Variants in FARP1 observed in about 807,000 individuals in gnomAD.
FARP1 encodes FERM, ARH/RhoGEF and pleckstrin domain protein 1.
A neutral mutation model predicts 128.8 loss-of-function variants in FARP1; 52 were observed. The ratio of observed to expected loss-of-function variants is 0.40; its 90% CI spans 0.32 to 0.51. The LOEUF is 0.51. FARP1 is among the 20% of genes least tolerant of loss of function. The probability of loss-of-function intolerance (pLI) is 0.45; values close to 1 mark genes in which losing one functional copy is unlikely to be tolerated. For missense variants in FARP1, 1,333 were observed against 1,367.9 expected (o/e 0.97, Z 0.40); for synonymous variants, 580 against 551.8 (o/e 1.05, Z -0.72).
At chr13:98,374,786 A>G (rs1889507953) in intron 5 of FARP1, among the ~76,000 whole-genome samples, 1 of 152,240 alleles carries the variant, frequency 6.6e-6, no homozygotes, top group Non-Finnish European at 1.5e-5. Context: ...AAGATTGGGC[A>G]TTGACATCTG....
chr13:98,231,677 G>A (rs1882123173), intron 2 of FARP1, among the ~76,000 whole-genome samples: 1 of 152,098 alleles, frequency 6.6e-6, no homozygotes, highest in Non-Finnish European at 1.5e-5. Flanking sequence ...GACTTAAGGT[G>A]ATCTGTCTGC....
At chr13:98,417,380 G>A (rs1891416306) in intron 16 of FARP1, among the ~76,000 whole-genome samples, 1 of 146,588 alleles carries the variant, frequency 6.8e-6, no homozygotes, top group Admixed American at 7.0e-5. Flanking sequence ...ATACCTTTAT[G>A]GCAGCTTGCT....
intron 16 of FARP1, among the ~76,000 whole-genome samples, chr13:98,420,185 G>A (rs1217162747): frequency 6.6e-6 from 1 of 152,162 alleles, no homozygotes; most frequent in Non-Finnish European, 1.5e-5. Flanking sequence ...CCCTGAGGTT[G>A]GGATGGTGAA....
chr13:98,418,060 G>GT (rs1432399108), intron 16 of FARP1, among the ~76,000 whole-genome samples: 7 of 152,014 alleles, frequency 4.6e-5, no homozygotes, highest in Non-Finnish European at 1.0e-4. Context: ...GTTTTTATTA[G>GT]TTTTTTAGAG....
intron 2 of FARP1, among the ~76,000 whole-genome samples, chr13:98,294,433 A>G (rs1885575685): frequency 6.6e-6 from 1 of 152,200 alleles, no homozygotes; most frequent in South Asian, 2.1e-4. Flanking sequence ...TTTGTAAACT[A>G]TATTTGTATC....
At chr13:98,213,454 G>GTGGTA in intron 2 of FARP1, 41 bp downstream of exon 2, 1 of 1,596,966 alleles carries the variant, frequency 6.3e-7, no homozygotes, top group Non-Finnish European at 8.5e-7. Flanking sequence ...GTGTGGTAGG[G>GTGGTA]GACAGCCTTT....
At chr13:98,320,900 G>A (rs558127055) in intron 2 of FARP1, among the ~76,000 whole-genome samples, 9 of 152,232 alleles carry the variant, frequency 5.9e-5, no homozygotes, top group Non-Finnish European at 1.3e-4. Flanking sequence ...CAGAAGGCCC[G>A]GAAATCTAAA....
At chr13:98,279,432 C>T (rs1594353234) in intron 2 of FARP1, among the ~76,000 whole-genome samples, 1 of 152,204 alleles carries the variant, frequency 6.6e-6, no homozygotes, top group East Asian at 1.9e-4. Context: ...ACAAATTCCA[C>T]ACATATTACA....
chr13:98,162,439 C>T (rs1251174848), intron 1 of FARP1, among the ~76,000 whole-genome samples: 1 of 152,134 alleles, frequency 6.6e-6, no homozygotes, highest in Non-Finnish European at 1.5e-5. Context: ...TGCCGCTATT[C>T]CTAGCTCGGG....
intron 2 of FARP1, among the ~76,000 whole-genome samples, chr13:98,335,785 T>G (rs1887713159): frequency 6.6e-6 from 1 of 152,170 alleles, no homozygotes; most frequent in Non-Finnish European, 1.5e-5. Context: ...TAAGATGAGA[T>G]GGGTCGAGAG....
chr13:98,278,990 TA>T (rs1256153431), intron 2 of FARP1, among the ~76,000 whole-genome samples: 11 of 138,478 alleles, frequency 7.9e-5, no homozygotes, highest in Non-Finnish European at 1.3e-4. Flanking sequence ...CACGCCCTGC[TA>T]ATTTTTTTTT....
intron 2 of FARP1, among the ~76,000 whole-genome samples, chr13:98,278,172 A>AGTGTGTGT (rs58097403): frequency 1.2e-3 from 179 of 149,962 alleles, no homozygotes; most frequent in African/African-American, 3.8e-3. Flanking sequence ...TGAGTGAGTG[A>AGTGTGTGT]GTGTGTGTGT....
chr13:98,444,680 C>G (rs542528096), intron 24 of FARP1, among the ~76,000 whole-genome samples: 1 of 152,290 alleles, frequency 6.6e-6, no homozygotes, highest in African/African-American at 2.4e-5. Flanking sequence ...ATTGGAATGG[C>G]CAGGCAGAAG....
At chr13:98,296,619 AAGTTCT>A (rs1885709047) in intron 2 of FARP1, among the ~76,000 whole-genome samples, 1 of 151,512 alleles carries the variant, frequency 6.6e-6, no homozygotes, top group Non-Finnish European at 1.5e-5. Flanking sequence ...TTCCCTTCTG[AAGTTCT>A]GAGCCACATT....
At chr13:98,168,769 T>C (rs530270743) in intron 1 of FARP1, among the ~76,000 whole-genome samples, 11 of 152,314 alleles carry the variant, frequency 7.2e-5, no homozygotes, top group Admixed American at 5.9e-4. Flanking sequence ...CTTTGAGACC[T>C]TGTGGATTTG....
chr13:98,354,277 C>T lies in FARP1; in HGVS notation c.276+10411C>T, dbSNP rs146025116. ...TCATTTAAAGCTTTTTTGGTAAATA[C>T]GTAAAACCATATTCTACGATTTTCA... On this transcript the variant is annotated intron_variant, in intron 3 of 26. Transcript: ENST00000319562. Among the ~76,000 whole-genome samples, 360 of 152,216 alleles carry T rather than the reference C, an allele frequency of 2.4e-3. 5 individuals are homozygous for T. Among genetic ancestry groups the T allele is most frequent in the African/African-American group, 7.9e-3 (330 of 41,530 alleles).
intron 25 of FARP1, 151 bp from the exon 26 acceptor site, chr13:98,446,515 G>T: frequency 1.3e-6 from 1 of 766,578 alleles, no homozygotes; most frequent in Non-Finnish European, 2.1e-6. Flanking sequence ...TCACGTACAG[G>T]CAAACACTGG....
chr13:98,417,456 A>G (rs9517284), intron 16 of FARP1, among the ~76,000 whole-genome samples: 1,963 of 36,590 alleles, frequency 0.054, 73 homozygotes, highest in African/African-American at 0.19. Context: ...CAGAGGTTTG[A>G]AAAAAAAAAA....
Position 98,343,692 on chromosome 13 carries a change from C to T in FARP1, c.172-70C>T, listed in dbSNP as rs1411829712. The stretch of plus-strand genomic sequence containing the variant: ...GACTTAGGAATCCAGAGGTTTCCTG[C>T]AGCGAGGAGCTGTGGTTTGTTTTCA... On this transcript the variant is annotated intron_variant, in intron 2 of 26. Transcript: ENST00000319562. 11 of 1,069,248 alleles carry T rather than the reference C, an allele frequency of 1.0e-5. No individual in the cohort carries two copies. The East Asian group carries it at 2.6e-4, about 25-fold the overall frequency. 66.2% of individuals were successfully genotyped at this position (1,069,248 alleles called of 1,614,324 possible). A position where few individuals can be genotyped will look rare whatever the true frequency, so the allele number is the denominator to read the frequency against.
Sources: gnomAD v4.1 joint callset for allele counts (sites outside exome capture counted in the v4.1 genomes callset) on GRCh38, gnomAD v4.1.1 for gene constraint, MANE v1.5 for transcripts, NCBI Gene and HGNC (gene_info 2026-07-23, HGNC 2026-07-21) for gene names.